Variants in ERAP1 observed in about 807,000 individuals in gnomAD.
ERAP1 encodes the protein endoplasmic reticulum aminopeptidase 1.
ERAP1 carries 86 observed loss-of-function variants against 103.7 expected under a neutral mutation model. The ratio of observed to expected loss-of-function variants is 0.83; its 90% CI spans 0.70 to 0.99. The LOEUF (loss-of-function observed/expected upper bound fraction) is 0.99, where lower values mean the gene tolerates loss of function less well. Ranked by LOEUF, ERAP1 falls within the 50% of genes least tolerant of loss-of-function variation. The pLI is 0.00. For missense variants in ERAP1, 1,009 were observed against 1,128.4 expected (o/e 0.89, Z 1.52); for synonymous variants, 398 against 402.4 (o/e 0.99, Z 0.13).
the ERAP1 span, among the ~76,000 whole-genome samples, chr5:96,867,691 A>G: frequency 2.6e-5 from 4 of 152,236 alleles, no homozygotes; most frequent in Non-Finnish European, 5.9e-5. Context: ...AAGGAGAAGT[A>G]GTAGTTCCAA....
chr5:96,775,320 A>G lies in ERAP1; in HGVS notation c.*1076T>C. 1 of 985,534 alleles carries G rather than the reference A, an allele frequency of 1.0e-6. No homozygotes were observed. The highest frequency in any genetic ancestry group is 1.2e-6 in the Non-Finnish European group (1 of 829,918). 61.0% of individuals were successfully genotyped at this position (985,534 alleles called of 1,614,324 possible). On this transcript the variant is annotated 3_prime_UTR_variant, in exon 19 of 19. Transcript: ENST00000443439. ...GTCCTATTTGCTAATATGAGCAAATATTTTGTTTCACAATGTACTATCATT... is the reference window on the plus strand; with the variant it reads ...GTCCTATTTGCTAATATGAGCAAATGTTTTGTTTCACAATGTACTATCATT...
chr5:96,810,635 A>C (rs1406183008), upstream of ERAP1, among the ~76,000 whole-genome samples: 1 of 152,222 alleles, frequency 6.6e-6, no homozygotes, highest in Non-Finnish European at 1.5e-5. Flanking sequence ...GAGCCCATCC[A>C]TTGCAGAGGC....
At chr5:96,817,096 T>G in the ERAP1 span, among the ~76,000 whole-genome samples, 1 of 152,074 alleles carries the variant, frequency 6.6e-6, no homozygotes, top group African/African-American at 2.4e-5. Flanking sequence ...CTAGGACACT[T>G]TTGAAAGAGA....
At chr5:96,901,702 G>A in the ERAP1 span, 1 of 1,610,572 alleles carries the variant, frequency 6.2e-7, no homozygotes, top group Non-Finnish European at 8.5e-7. Flanking sequence ...TTCTTCTTTA[G>A]GTCTAGCTTA....
the ERAP1 span, among the ~76,000 whole-genome samples, chr5:96,860,338 G>A: frequency 6.6e-6 from 1 of 152,154 alleles, no homozygotes; most frequent in Admixed American, 6.5e-5. Flanking sequence ...ACAAGTGTGA[G>A]CCACTACACC....
intron 4 of ERAP1, 83 bp from the exon 5 acceptor site, chr5:96,795,245 C>G: frequency 6.4e-7 from 1 of 1,566,854 alleles, no homozygotes; most frequent in Non-Finnish European, 8.7e-7. Context: ...ACATTAATGT[C>G]TTCATATTGT....
chr5:96,793,255 A>G, intron 7 of ERAP1, 145 bp downstream of exon 7: 1 of 695,414 alleles, frequency 1.4e-6, no homozygotes, highest in East Asian at 2.7e-5. Flanking sequence ...GCATTTTTGC[A>G]ACACGATTCA....
rs756412402 is a variant in ERAP1, at chr5:96,767,994, G to C, written c.2819-4766C>G. On this transcript the variant is annotated intron_variant, in intron 19 of 19. Coordinates refer to the ERAP1 transcript ENST00000296754. The stretch of plus-strand genomic sequence containing the variant: ...CACTACAGAAACCTCACAGAACACA[G>C]CAAAGGTACTGTGCTTTTTCACATT... 3.7e-6 allele frequency: 6 copies of C among 1,601,482 alleles called. No homozygotes were observed. In the South Asian group the frequency reaches 6.6e-5, roughly 18 times the overall value.
the ERAP1 span, among the ~76,000 whole-genome samples, chr5:96,887,234 A>T: frequency 6.6e-6 from 1 of 151,710 alleles, no homozygotes; most frequent in Non-Finnish European, 1.5e-5. Context: ...TAATATTAAT[A>T]ATTGCATGGA....
the ERAP1 span, chr5:96,908,872 T>C: frequency 1.9e-5 from 25 of 1,329,276 alleles, 1 homozygote; most frequent in East Asian, 6.0e-4. Context: ...ACTTCTGTTA[T>C]TGTTCTCTAT....
the ERAP1 span, among the ~76,000 whole-genome samples, chr5:96,932,817 T>C: frequency 6.6e-6 from 1 of 152,228 alleles, no homozygotes; most frequent in East Asian, 1.9e-4. Flanking sequence ...TCATGCTATT[T>C]ATTATGTATT....
At chr5:96,866,177 T>G in the ERAP1 span, among the ~76,000 whole-genome samples, 1 of 152,212 alleles carries the variant, frequency 6.6e-6, no homozygotes, top group Non-Finnish European at 1.5e-5. Flanking sequence ...TGCCTTATTC[T>G]CTCATTATGC....
intron 12 of ERAP1, 85 bp from the exon 13 acceptor site, chr5:96,786,056 A>G: frequency 7.5e-7 from 1 of 1,337,288 alleles, no homozygotes; most frequent in South Asian, 1.2e-5. Flanking sequence ...CAAGGAAATT[A>G]GAGAAGAGTT....
At chr5:96,872,335 C>CAA in the ERAP1 span, among the ~76,000 whole-genome samples, 10 of 127,412 alleles carry the variant, frequency 7.8e-5, no homozygotes, top group Non-Finnish European at 1.2e-4. Context: ...GACCCTGTCT[C>CAA]AAAAAAAAAA....
At chr5:96,811,729 T>G (rs543102029), upstream of ERAP1, among the ~76,000 whole-genome samples, 1 of 152,348 alleles carries the variant, frequency 6.6e-6, no homozygotes, top group South Asian at 2.1e-4. Context: ...GCAAGTTGAG[T>G]GACCACAGCT....
At chr5:96,896,254 C>G in the ERAP1 span, 1 of 770,772 alleles carries the variant, frequency 1.3e-6, no homozygotes, top group Non-Finnish European at 2.0e-6. Flanking sequence ...AGAAACATCT[C>G]CCAAGAAATA....
the ERAP1 span, among the ~76,000 whole-genome samples, chr5:96,858,490 C>A: frequency 2.3e-4 from 35 of 152,290 alleles, no homozygotes; most frequent in South Asian, 6.2e-4. Context: ...AGCCACCATG[C>A]CTGGCCAATT....
intron 18 of ERAP1, among the ~76,000 whole-genome samples, chr5:96,778,904 T>C (rs1774747453): frequency 6.6e-6 from 1 of 152,168 alleles, no homozygotes; most frequent in African/African-American, 2.4e-5. Flanking sequence ...ACTCCCGTAT[T>C]TTATATGTCC....
upstream of ERAP1, among the ~76,000 whole-genome samples, chr5:96,809,712 G>C (rs1213601365): frequency 6.6e-6 from 1 of 152,076 alleles, no homozygotes; most frequent in African/African-American, 2.4e-5. Context: ...GAATTTGACA[G>C]GAGGTATCAA....
Sources: allele counts gnomAD v4.1 joint callset (sites outside exome capture counted in the v4.1 genomes callset), GRCh38; gene constraint gnomAD v4.1.1; transcripts MANE v1.5; gene names NCBI Gene and HGNC (gene_info 2026-07-23, HGNC 2026-07-21).